Variants in ATP6AP2 observed in about 807,000 individuals in gnomAD.
ATP6AP2 encodes the protein renin receptor.
ATP6AP2 carries 1 observed loss-of-function variant against 23.4 expected under a neutral mutation model. The ratio of observed to expected loss-of-function variants is 0.04; its 90% confidence interval spans 0.02 to 0.20. ATP6AP2 has a LOEUF of 0.20. Among genes scored for constraint, ATP6AP2 ranks in the 10% least tolerant of loss-of-function variants. The pLI is 1.00. For missense variants in ATP6AP2, 174 were observed against 271.3 expected, an observed-to-expected ratio of 0.64 and a Z score of 2.52; for synonymous variants, 90 against 97.1, an observed-to-expected ratio of 0.93 and a Z score of 0.43.
At position 40,597,508 on chromosome X, in the gene ATP6AP2, T is replaced by A. The variant is rs1232793102; in HGVS notation, c.397-19T>A. 8.3e-7 allele frequency: 1 copy of A among 1,207,978 alleles called. No individual in the cohort carries two copies. Among genetic ancestry groups the A allele is most frequent in the South Asian group, 1.8e-5 (1 of 56,918 alleles). ...TCTGTAGAATTTGAGCAACTTAAAATTTTCTATTCTTCTTACAGAGAGTGT... is the reference window on the plus strand; with the variant it reads ...TCTGTAGAATTTGAGCAACTTAAAAATTTCTATTCTTCTTACAGAGAGTGT... On this transcript the variant is annotated intron_variant, in intron 4 of 8. Transcript: ENST00000636580.
intron 1 of ATP6AP2, among the ~76,000 whole-genome samples, chrX:40,582,222 G>GT (rs1926346281): frequency 1.8e-5 from 2 of 112,185 alleles, no homozygotes; most frequent in South Asian, 7.3e-4. Flanking sequence ...GAGGTCAGGA[G>GT]TTTGAGACCA....
chrX:40,591,070 T>C, intron 2 of ATP6AP2, 164 bp from the exon 3 acceptor site: 1 of 564,799 alleles, frequency 1.8e-6, no homozygotes, highest in East Asian at 3.7e-5. Flanking sequence ...GCATTCTTGA[T>C]TAGGGGATTG....
At chrX:40,586,746 A>T (rs1253040499) in intron 1 of ATP6AP2, among the ~76,000 whole-genome samples, 2 of 111,887 alleles carry the variant, frequency 1.8e-5, no homozygotes, top group South Asian at 3.7e-4. Flanking sequence ...AGACATGCTT[A>T]TACTTATAAT....
At chrX:40,593,733 C>T (rs888247544) in intron 3 of ATP6AP2, among the ~76,000 whole-genome samples, 1 of 110,669 alleles carries the variant, frequency 9.0e-6, no homozygotes, top group Non-Finnish European at 1.9e-5. Context: ...GTCTCGAACT[C>T]CTGAGCTCAG....
chrX:40,597,646 T>C lies in ATP6AP2; in HGVS notation c.516T>C (p.Ser172=), dbSNP rs775818303. The part of the protein sequence containing the change: ...NSVLSSLPLN[S]LSRNNEVDLL... The stretch of plus-strand genomic sequence containing the variant: ...TTCTCAGTTCACTCCCCCTCAATTC[T>C]CTGAGTAGGAACAATGAAGTAAGTG... The change falls in exon 5 of 9, where the codon TCT becomes TCC. Residue 172 remains serine (S), a synonymous_variant. Transcript: ENST00000636580. The C allele has an allele frequency of 1.3e-5, 16 of 1,206,222 alleles. No individual in the cohort carries two copies. The African/African-American group carries it at 2.8e-4, about 21-fold the overall frequency.
At position 40,599,748 on chromosome X, in the gene ATP6AP2, A is replaced by G; in HGVS notation, c.738+7A>G. On this transcript the variant is annotated splice_region_variant and intron_variant, in intron 7 of 8. Transcript: ENST00000636580. ...TGTTGACGCTCTGCAAAAGGTAAAT[A>G]TCAATGCGACATGAGAGGTTGGAGT... 1.7e-6 allele frequency: 2 copies of G among 1,210,261 alleles called. No individual in the cohort carries two copies. The highest frequency in any genetic ancestry group is 2.2e-6 in the Non-Finnish European group (2 of 894,921).
At chrX:40,600,981 C>A in intron 8 of ATP6AP2, 100 bp downstream of exon 8, 1 of 877,683 alleles carries the variant, frequency 1.1e-6, no homozygotes, top group Non-Finnish European at 1.6e-6. Context: ...CATGAATGAG[C>A]AGTCAGTAAA....
Position 40,606,110 on chromosome X carries a change from C to T in ATP6AP2, c.*355C>T, listed in dbSNP as rs1390842257. On this transcript the variant is annotated 3_prime_UTR_variant, in exon 9 of 9. Transcript: ENST00000636580. Reference sequence around the variant, plus strand: ...GCACTGAATTTATTAGACAAACTTACGAATGCTTAACTTCTTTACACAGCA... The same window carrying T: ...GCACTGAATTTATTAGACAAACTTATGAATGCTTAACTTCTTTACACAGCA... 2 of 195,665 alleles carry T rather than the reference C, an allele frequency of 1.0e-5. No homozygotes were observed. Among genetic ancestry groups the T allele is most frequent in the African/African-American group, 3.0e-5 (1 of 33,671 alleles). The allele number at this position is 195,665 out of a possible 1,213,427, so 16.1% of individuals were successfully genotyped here.
intron 3 of ATP6AP2, among the ~76,000 whole-genome samples, chrX:40,594,093 AT>A (rs111979057): frequency 0.041 from 4,580 of 110,824 alleles, 109 homozygotes; most frequent in African/African-American, 0.096. Context: ...CACAAAAAAA[AT>A]ATAAGTATGT....
chrX:40,590,534 A>G (rs1926603081), intron 2 of ATP6AP2: 1 of 111,125 alleles, frequency 9.0e-6, no homozygotes, highest in Non-Finnish European at 1.9e-5. Flanking sequence ...GTACAACACC[A>G]TGCCCAGATC....
At chrX:40,598,243 A>T (rs761821075) in intron 5 of ATP6AP2, 1 of 175,352 alleles carries the variant, frequency 5.7e-6, no homozygotes, top group African/African-American at 3.1e-5. Flanking sequence ...ACCATGTGGC[A>T]TGCCACTTTC....
chrX:40,606,007 A>T lies in ATP6AP2; in HGVS notation c.*252A>T. On this transcript the variant is annotated 3_prime_UTR_variant, in exon 9 of 9. Coordinates refer to ENST00000636580, the MANE Select transcript of ATP6AP2 (RefSeq NM_005765.3). ...ATAGCCATTTAATAACATTGATTTCATTCTGTTTAATGAATTTGGAAATAT... is the reference window on the plus strand; with the variant it reads ...ATAGCCATTTAATAACATTGATTTCTTTCTGTTTAATGAATTTGGAAATAT... The T allele has an allele frequency of 6.2e-6, 2 of 324,179 alleles. No individual in the cohort carries two copies. 26.7% of individuals were successfully genotyped at this position (324,179 alleles called of 1,213,427 possible).
rs770348463 is a variant in ATP6AP2, at chrX:40,590,983, A to G, written c.169-251A>G. The G allele has an allele frequency of 3.1e-4, 102 of 330,606 alleles. No individual in the cohort carries two copies. In the East Asian group the frequency reaches 5.6e-3, roughly 18 times the overall value. The allele number at this position is 330,606 out of a possible 1,213,427, so 27.2% of individuals were successfully genotyped here. A position where few individuals can be genotyped will look rare whatever the true frequency, so the allele number is the denominator to read the frequency against. On this transcript the variant is annotated intron_variant, in intron 2 of 8. Transcript: ENST00000636580. ...GTTTACTTGCTTGCTTTTTTCCACA[A>G]AAGGTGTCAGATGACTTACTATTGG...
intron 5 of ATP6AP2, chrX:40,597,946 T>C (rs1205137573): frequency 6.9e-6 from 2 of 290,908 alleles, no homozygotes; most frequent in Non-Finnish European, 6.2e-6. Flanking sequence ...AATTTTCTTA[T>C]GACTCTCATG....
chrX:40,593,610 G>C (rs150393421), intron 3 of ATP6AP2, among the ~76,000 whole-genome samples: 129 of 110,442 alleles, frequency 1.2e-3, no homozygotes, highest in African/African-American at 4.1e-3. Context: ...GGGTTCAAGG[G>C]ATTCTGGTGT....
intron 8 of ATP6AP2, among the ~76,000 whole-genome samples, chrX:40,603,875 G>C: frequency 8.9e-6 from 1 of 111,780 alleles, no homozygotes; most frequent in Non-Finnish European, 1.9e-5. Flanking sequence ...TGAGTAGCCA[G>C]TTCTATAGGC....
At chrX:40,601,455 G>GT (rs910410042) in intron 8 of ATP6AP2, among the ~76,000 whole-genome samples, 1 of 111,973 alleles carries the variant, frequency 8.9e-6, no homozygotes, top group African/African-American at 3.3e-5. Context: ...TTACTTAACA[G>GT]TTTTTTTGGG....
chrX:40,605,539 T>C (rs1301754134), intron 8 of ATP6AP2, 22 bp from the exon 9 acceptor site: 3 of 1,150,897 alleles, frequency 2.6e-6, no homozygotes, highest in Non-Finnish European at 3.6e-6. Flanking sequence ...CTCTTGATTT[T>C]TCTTTCTTTT....
At chrX:40,589,376 A>G (rs1926564957) in intron 2 of ATP6AP2, 1 of 291,098 alleles carries the variant, frequency 3.4e-6, no homozygotes, top group East Asian at 6.3e-5. Context: ...TCAAAAATAA[A>G]TGAATTAATT....
Sources: gnomAD v4.1 joint callset for allele counts (sites outside exome capture counted in the v4.1 genomes callset) on GRCh38, gnomAD v4.1.1 for gene constraint, MANE v1.5 for transcripts, NCBI Gene and HGNC (gene_info 2026-07-23, HGNC 2026-07-21) for gene names.